Variants in TTC7B observed in about 807,000 individuals in gnomAD.
TTC7B encodes tetratricopeptide repeat protein 7B.
In TTC7B, 28 loss-of-function variants were observed where a neutral mutation model predicts 106.8. The ratio of observed to expected loss-of-function variants is 0.26; its 90% CI spans 0.19 to 0.36. The LOEUF is 0.36. Ranked by LOEUF, TTC7B falls within the 10% of genes least tolerant of loss-of-function variation. TTC7B has a pLI of 1.00. For missense variants in TTC7B, 862 were observed against 1,076.4 expected (o/e 0.80, Z 2.79); for synonymous variants, 405 against 430.6 (o/e 0.94, Z 0.74).
rs1889571118 is a variant in TTC7B at position 90,541,312 on chromosome 14, G to C, written c.*56C>G. The C allele has an allele frequency of 6.8e-7, 1 of 1,479,598 alleles. No homozygotes were observed. Among genetic ancestry groups the C allele is most frequent in the Admixed American group, 2.0e-5 (1 of 49,864 alleles). The allele number at this position is 1,479,598 out of a possible 1,614,324, so 91.7% of individuals were successfully genotyped here. Reference sequence around the variant, plus strand: ...CCCTTGGGGCGATGGCACAAGCCCTGGTGCCCGGCAGGGCCTCTGAGGCCT... The same window carrying C: ...CCCTTGGGGCGATGGCACAAGCCCTCGTGCCCGGCAGGGCCTCTGAGGCCT... On this transcript the variant is annotated 3_prime_UTR_variant, in exon 20 of 20. Coordinates refer to ENST00000328459, the MANE Select transcript of TTC7B (RefSeq NM_001010854.2).
At chr14:90,730,049 G>C in intron 5 of TTC7B, 26 bp downstream of exon 5, 1 of 1,589,064 alleles carries the variant, frequency 6.3e-7, no homozygotes, top group Non-Finnish European at 8.5e-7. Flanking sequence ...TTAGGAAGTG[G>C]ATTTAAAAAA....
chr14:90,578,098 G>A lies in TTC7B; in HGVS notation c.2310+8C>T, dbSNP rs1891332524. ...GAGTAGGGGCCACCGCCGGGCTCGT[G>A]GACTCACCAGTCGCTGCATGCTCTT... On this transcript the variant is annotated splice_region_variant and intron_variant, in intron 19 of 19. Transcript: ENST00000328459. The surrounding 1 kb of genome is among the most constrained non-coding windows in gnomAD (Gnocchi z 4.7). 1 of 1,605,644 alleles carries A rather than the reference G, an allele frequency of 6.2e-7. No individual in the cohort carries two copies. Among genetic ancestry groups the A allele is most frequent in the East Asian group, 2.2e-5 (1 of 44,630 alleles).
chr14:90,732,936 T>G (rs1889380191), intron 4 of TTC7B, among the ~76,000 whole-genome samples: 1 of 152,214 alleles, frequency 6.6e-6, no homozygotes, highest in South Asian at 2.1e-4. Context: ...CCTATTCGCC[T>G]GCCCACAGCA....
chr14:90,590,878 A>C (rs1368535832), intron 18 of TTC7B, among the ~76,000 whole-genome samples: 2 of 152,230 alleles, frequency 1.3e-5, no homozygotes, highest in Admixed American at 1.3e-4. Flanking sequence ...TGCATACAGC[A>C]CAGTCTGCTC....
At chr14:90,605,719 G>A in intron 17 of TTC7B, 5 of 1,286,338 alleles carry the variant, frequency 3.9e-6, no homozygotes, top group Non-Finnish European at 4.1e-6. Flanking sequence ...AGGAGATTCG[G>A]TTCTTGAAAG....
At position 90,652,858 on chromosome 14, in the gene TTC7B, C is replaced by T. The variant is rs183161818; in HGVS notation, c.1500G>A (p.Ala500=). ...RGMQEVLQRK[A]LLAFQRAHSL... ...CCACTCACCTCTGAAATGCAAGAAG[C>T]GCCTTTCTCTGTAGGACCTCCTGCA... is the stretch of plus-strand genomic sequence containing the variant. Residue 500 remains alanine, a synonymous_variant, in exon 13 of 20, where the codon GCG becomes GCA. Transcript: ENST00000328459. The T allele has an allele frequency of 1.1e-5, 17 of 1,614,202 alleles. No individual in the cohort carries two copies. The African/African-American group carries it at 1.1e-4, about 10-fold the overall frequency.
intron 18 of TTC7B, among the ~76,000 whole-genome samples, chr14:90,582,840 T>C (rs1891555300): frequency 6.6e-6 from 1 of 152,148 alleles, no homozygotes; most frequent in South Asian, 2.1e-4. Flanking sequence ...CGTCTTAGGC[T>C]CCAGGAATGA....
chr14:90,595,130 G>A (rs528854641), intron 17 of TTC7B, among the ~76,000 whole-genome samples: 7 of 152,026 alleles, frequency 4.6e-5, no homozygotes, highest in Non-Finnish European at 8.8e-5. Context: ...TCAGGAGATC[G>A]AGACCATCTT....
At position 90,540,708 on chromosome 14, in the gene TTC7B, A is replaced by G. The variant is rs550832529; in HGVS notation, c.*660T>C. The G allele has an allele frequency of 6.5e-6, 1 of 153,910 alleles. No individual in the cohort carries two copies. The highest frequency in any genetic ancestry group is 2.1e-4 in the South Asian group (1 of 4,826). 9.5% of individuals were successfully genotyped at this position (153,910 alleles called of 1,614,324 possible). A position where few individuals can be genotyped will look rare whatever the true frequency, so the allele number is the denominator to read the frequency against. ...TTCTTTGTACATATTTCCCTCGATA[A>G]ATAAACTCTGAATTCACATAAAAAA... On this transcript the variant is annotated 3_prime_UTR_variant, in exon 20 of 20. Coordinates refer to ENST00000328459, the MANE Select transcript of TTC7B (RefSeq NM_001010854.2).
chr14:90,572,405 GT>G (rs1891070048), intron 19 of TTC7B, among the ~76,000 whole-genome samples: 1 of 152,160 alleles, frequency 6.6e-6, no homozygotes, highest in Non-Finnish European at 1.5e-5. Flanking sequence ...ACCTCACATC[GT>G]GGGGCCATCT....
chr14:90,569,413 A>AGAC (rs1278197207), intron 19 of TTC7B, among the ~76,000 whole-genome samples: 1 of 152,208 alleles, frequency 6.6e-6, no homozygotes, highest in Non-Finnish European at 1.5e-5. Flanking sequence ...GTGTCCCAAC[A>AGAC]GACGACTGGG....
At chr14:90,574,985 ACCCTGGCCT>A (rs201188669) in intron 19 of TTC7B, among the ~76,000 whole-genome samples, 7,922 of 151,800 alleles carry the variant, frequency 0.052, 257 homozygotes, top group Non-Finnish European at 0.074. Flanking sequence ...TGACCTTCTG[ACCCTGGCCT>A]CCCTGGCCTC....
chr14:90,774,268 AAC>A (rs1890955955), intron 3 of TTC7B, among the ~76,000 whole-genome samples: 3 of 152,202 alleles, frequency 2.0e-5, no homozygotes, highest in Admixed American at 2.0e-4. Flanking sequence ...GGGGAGGGGA[AAC>A]AGAGAGGAAG....
chr14:90,731,482 G>A (rs1339526269), intron 4 of TTC7B, among the ~76,000 whole-genome samples: 1 of 152,164 alleles, frequency 6.6e-6, no homozygotes, highest in Non-Finnish European at 1.5e-5. Context: ...CAAGCTTTGG[G>A]GAAAAGAAAG....
chr14:90,728,695 T>C (rs755456844), intron 5 of TTC7B, among the ~76,000 whole-genome samples: 5 of 152,306 alleles, frequency 3.3e-5, no homozygotes, highest in Non-Finnish European at 7.4e-5. Flanking sequence ...CCCACTCTTA[T>C]TAATCTCACA....
At chr14:90,645,498 T>C (rs1016974930) in intron 14 of TTC7B, among the ~76,000 whole-genome samples, 19 of 152,112 alleles carry the variant, frequency 1.2e-4, no homozygotes, top group African/African-American at 4.1e-4. Context: ...CCCCCTCCCC[T>C]GGGGAAGCAG....
At chr14:90,701,794 G>A (rs1403467964) in intron 5 of TTC7B, among the ~76,000 whole-genome samples, 3 of 124,876 alleles carry the variant, frequency 2.4e-5, no homozygotes, top group Admixed American at 8.2e-5. Flanking sequence ...GTGTGTGTGT[G>A]TGTATATATA....
chr14:90,708,997 C>A (rs1176244174), intron 5 of TTC7B, among the ~76,000 whole-genome samples: 1 of 151,276 alleles, frequency 6.6e-6, no homozygotes, highest in African/African-American at 2.4e-5. Flanking sequence ...TACCATCTCA[C>A]ACCAGTTAGA....
At chr14:90,671,356 C>T (rs1886624771) in intron 9 of TTC7B, among the ~76,000 whole-genome samples, 1 of 152,202 alleles carries the variant, frequency 6.6e-6, no homozygotes, top group African/African-American at 2.4e-5. Flanking sequence ...ATGAGTTCAA[C>T]AGGAAAGATA....
Sources: gnomAD v4.1 joint callset for allele counts (sites outside exome capture counted in the v4.1 genomes callset) on GRCh38, gnomAD v4.1.1 for gene constraint, Gnocchi (gnomAD v3.1) non-coding constraint, MANE v1.5 for transcripts, NCBI Gene and HGNC (gene_info 2026-07-23, HGNC 2026-07-21) for gene names.